MYRFL: variants seen among roughly 807,000 people sequenced by gnomAD.
The protein encoded by MYRFL is myelin regulatory factor like, also known as myelin regulatory factor-like protein.
A neutral mutation model predicts 109.4 loss-of-function variants in MYRFL; 88 were observed. The ratio of observed to expected loss-of-function variants is 0.80; its 90% CI spans 0.68 to 0.96. The LOEUF (loss-of-function observed/expected upper bound fraction) is 0.96, where lower values mean the gene tolerates loss of function less well. MYRFL is among the 40% of genes least tolerant of loss of function. The pLI is 0.00. For missense variants in MYRFL, 957 were observed against 954.9 expected, an observed-to-expected ratio of 1.00 and a Z score of -0.03; for synonymous variants, 324 against 320.9, an observed-to-expected ratio of 1.01 and a Z score of -0.10.
intron 19 of MYRFL, among the ~76,000 whole-genome samples, chr12:69,938,400 A>G (rs1315220352): frequency 1.3e-5 from 2 of 152,160 alleles, no homozygotes; most frequent in African/African-American, 4.8e-5. Context: ...TCCACTCTTC[A>G]TTTTCAAGGG....
intron 13 of MYRFL, among the ~76,000 whole-genome samples, chr12:69,917,154 C>T (rs1371999880): frequency 6.6e-6 from 1 of 152,136 alleles, no homozygotes; most frequent in Non-Finnish European, 1.5e-5. Flanking sequence ...CCTTCCTTAA[C>T]CACCCCATAT....
At chr12:69,898,267 A>G (rs191961651) in intron 10 of MYRFL, among the ~76,000 whole-genome samples, 21 of 152,370 alleles carry the variant, frequency 1.4e-4, no homozygotes, top group Admixed American at 9.1e-4. Context: ...ATTAAAATTA[A>G]TAAGCCTCCT....
chr12:69,916,814 T>C (rs1055086598), intron 13 of MYRFL, among the ~76,000 whole-genome samples: 1 of 152,246 alleles, frequency 6.6e-6, no homozygotes, highest in Non-Finnish European at 1.5e-5. Context: ...AGGTCATTTA[T>C]ATTTGAAAAA....
At chr12:69,939,025 C>G (rs4255579) in intron 19 of MYRFL, among the ~76,000 whole-genome samples, 32,828 of 152,154 alleles carry the variant, frequency 0.22, 3,667 homozygotes, top group South Asian at 0.37. Flanking sequence ...TATCCCGCAC[C>G]TGGCTCGGAG....
chr12:69,899,078 T>C (rs528505334), intron 10 of MYRFL, among the ~76,000 whole-genome samples: 1 of 152,330 alleles, frequency 6.6e-6, no homozygotes, highest in African/African-American at 2.4e-5. Context: ...TTTCAAAAAA[T>C]GATTGTATTC....
At chr12:69,865,215 GA>G (rs1470955607) in intron 2 of MYRFL, among the ~76,000 whole-genome samples, 2 of 152,304 alleles carry the variant, frequency 1.3e-5, no homozygotes, top group Non-Finnish European at 2.9e-5. Context: ...GAGACTCAGG[GA>G]AAACTATTTT....
intron 21 of MYRFL, among the ~76,000 whole-genome samples, chr12:69,954,948 A>T (rs1475829083): frequency 2.0e-5 from 3 of 152,166 alleles, no homozygotes; most frequent in Non-Finnish European, 4.4e-5. Flanking sequence ...AAAGGGAGTG[A>T]TTTAGGGTAG....
At chr12:69,921,984 AT>A (rs937083932) in intron 13 of MYRFL, among the ~76,000 whole-genome samples, 6 of 151,662 alleles carry the variant, frequency 4.0e-5, no homozygotes, top group African/African-American at 7.3e-5. Context: ...GTATTAAGCA[AT>A]TTTTTTTTAA....
chr12:69,875,657 G>A (rs1427587172), intron 2 of MYRFL, among the ~76,000 whole-genome samples: 1 of 152,134 alleles, frequency 6.6e-6, no homozygotes, highest in Non-Finnish European at 1.5e-5. Flanking sequence ...GCATTAGAGC[G>A]GCATTAGGAG....
At chr12:69,949,345 A>T (rs915711568) in intron 19 of MYRFL, among the ~76,000 whole-genome samples, 2 of 152,232 alleles carry the variant, frequency 1.3e-5, no homozygotes, top group Admixed American at 6.5e-5. Flanking sequence ...TTAAAAAGAT[A>T]CATTAAAAAT....
At chr12:69,937,624 AC>A (rs1955512604) in intron 19 of MYRFL, among the ~76,000 whole-genome samples, 1 of 152,166 alleles carries the variant, frequency 6.6e-6, no homozygotes, top group African/African-American at 2.4e-5. Flanking sequence ...CTCTGCTTAT[AC>A]TTCATTGGCC....
At chr12:69,927,959 A>AGTC (rs1955149340) in intron 15 of MYRFL, among the ~76,000 whole-genome samples, 1 of 152,210 alleles carries the variant, frequency 6.6e-6, no homozygotes, top group Non-Finnish European at 1.5e-5. Flanking sequence ...AGAATATGTC[A>AGTC]GTCTCAGAAT....
chr12:69,830,805 C>A (rs1222213101), intron 1 of MYRFL, among the ~76,000 whole-genome samples: 2 of 152,088 alleles, frequency 1.3e-5, no homozygotes, highest in Non-Finnish European at 2.9e-5. Context: ...GCCCACGCTA[C>A]CTTTGAGACC....
chr12:69,895,852 T>C (rs1297454544), intron 9 of MYRFL, among the ~76,000 whole-genome samples: 4 of 152,202 alleles, frequency 2.6e-5, no homozygotes, highest in African/African-American at 7.2e-5. Flanking sequence ...CTATGACCTT[T>C]TTGATTAAAA....
At chr12:69,848,395 C>CT (rs1390519081) in intron 1 of MYRFL, among the ~76,000 whole-genome samples, 1 of 151,622 alleles carries the variant, frequency 6.6e-6, no homozygotes, top group Non-Finnish European at 1.5e-5. Flanking sequence ...ATACTATTGC[C>CT]TTTTTTATCC....
At chr12:69,891,225 T>C in intron 7 of MYRFL, 59 bp downstream of exon 7, 1 of 1,233,370 alleles carries the variant, frequency 8.1e-7, no homozygotes, top group Non-Finnish European at 1.1e-6. Flanking sequence ...TTCAGTTGTC[T>C]ATTGCTGCAT....
chr12:69,935,927 G>C, intron 16 of MYRFL, 186 bp from the exon 17 acceptor site: 1 of 663,404 alleles, frequency 1.5e-6, no homozygotes, highest in African/African-American at 1.8e-5. Context: ...TTCTCTCCAG[G>C]GCAGAAAAGC....
intron 2 of MYRFL, among the ~76,000 whole-genome samples, chr12:69,857,320 A>T (rs542713454): frequency 5.9e-5 from 9 of 152,022 alleles, no homozygotes; most frequent in South Asian, 2.1e-4. Flanking sequence ...TTAAAATAAT[A>T]TAGTGTAAGT....
intron 16 of MYRFL, among the ~76,000 whole-genome samples, chr12:69,935,756 C>CTCTT (rs773539747): frequency 2.0e-5 from 3 of 152,226 alleles, no homozygotes; most frequent in African/African-American, 4.8e-5. Flanking sequence ...TGTGCTCTGA[C>CTCTT]TCTTTCCTGC....
Sources: gnomAD v4.1 joint callset for allele counts (sites outside exome capture counted in the v4.1 genomes callset) on GRCh38, gnomAD v4.1.1 for gene constraint, MANE v1.5 for transcripts, NCBI Gene and HGNC (gene_info 2026-07-23, HGNC 2026-07-21) for gene names.